The following PHC3 variants were observed in gnomAD, a reference collection of about 807,000 sequenced individuals.
PHC3 encodes the protein polyhomeotic homolog 3.
In PHC3, 13 loss-of-function variants were observed where a neutral mutation model predicts 107.4. The observed-to-expected ratio is 0.12, with a 90% confidence interval of 0.08 to 0.19. PHC3 has a LOEUF of 0.19. Among genes scored for constraint, PHC3 ranks in the 10% least tolerant of loss-of-function variants. The pLI is 1.00. For missense variants in PHC3, 992 were observed against 1,210.9 expected, an observed-to-expected ratio of 0.82 and a Z score of 2.68; for synonymous variants, 456 against 427.4, an observed-to-expected ratio of 1.07 and a Z score of -0.83.
At chr3:170,143,258 T>C (rs1724392217) in intron 6 of PHC3, among the ~76,000 whole-genome samples, 1 of 151,856 alleles carries the variant, frequency 6.6e-6, no homozygotes, top group Non-Finnish European at 1.5e-5. Context: ...CACAGAGACA[T>C]AAAAAGTTTA....
chr3:170,113,284 A>G, intron 11 of PHC3, 76 bp downstream of exon 11: 1 of 1,393,616 alleles, frequency 7.2e-7, no homozygotes, highest in Admixed American at 2.5e-5. Flanking sequence ...TCTGTACAGA[A>G]TAAAAATCCA....
intron 4 of PHC3, among the ~76,000 whole-genome samples, chr3:170,154,903 T>C (rs1352074601): frequency 6.6e-6 from 1 of 152,236 alleles, no homozygotes. Context: ...GTTGCTCTGC[T>C]GACCTAAACC....
intron 3 of PHC3, among the ~76,000 whole-genome samples, chr3:170,171,651 C>A (rs1292142977): frequency 6.6e-6 from 1 of 152,064 alleles, no homozygotes; most frequent in Admixed American, 6.5e-5. Context: ...ACAGGGGATC[C>A]AAAGACTAAT....
chr3:170,097,488 T>C lies in PHC3; in HGVS notation c.2834-104A>G. On this transcript the variant is annotated intron_variant, in intron 14 of 14. Transcript: ENST00000495893. The surrounding 1 kb of genome is among the most constrained non-coding windows in gnomAD (Gnocchi z 4.1). ...TCTCACTGGGTCTGAGAATCTGAAA[T>C]ACAGGCTGAGAAACAAATGAAATTT... The C allele has an allele frequency of 3.6e-6, 4 of 1,104,340 alleles. No homozygotes were observed. The East Asian group carries it at 7.7e-5, about 21-fold the overall frequency. The allele number at this position is 1,104,340 out of a possible 1,614,324, so 68.4% of individuals were successfully genotyped here.
In PHC3 at chr3:170,092,865, TG is replaced by T. The variant is rs1422157640; in HGVS notation, c.*4364del. The T allele has an allele frequency of 1.3e-5, 2 of 152,218 alleles. No homozygotes were observed. Among genetic ancestry groups the T allele is most frequent in the Non-Finnish European group, 2.9e-5 (2 of 68,030 alleles). 9.4% of individuals were successfully genotyped at this position (152,218 alleles called of 1,614,324 possible). On this transcript the variant is annotated 3_prime_UTR_variant, in exon 15 of 15. Coordinates refer to ENST00000495893, the MANE Select transcript of PHC3 (RefSeq NM_024947.4). ...ACAGTGGGTATAGAGAGTGAAAGAA[TG>T]AGTCTGATTACAGGTAAATCTTGAC...
At position 170,119,974 on chromosome 3, in the gene PHC3, G is replaced by C. The variant is rs534156098; in HGVS notation, c.1943-2498C>G. Among the ~76,000 whole-genome samples, 3 of 152,294 alleles carry C rather than the reference G, an allele frequency of 2.0e-5. No individual in the cohort carries two copies. The South Asian group carries it at 6.2e-4, about 32-fold the overall frequency. Reference sequence around the variant, plus strand: ...GAGAGATGTGCTTGTCAGGATCTCAGACTACATTCCTGAGGAAAACATGGA... The same window carrying C: ...GAGAGATGTGCTTGTCAGGATCTCACACTACATTCCTGAGGAAAACATGGA... On this transcript the variant is annotated intron_variant, in intron 9 of 14. Transcript: ENST00000495893.
At chr3:170,167,597 T>C (rs1337264575) in intron 4 of PHC3, among the ~76,000 whole-genome samples, 1 of 151,866 alleles carries the variant, frequency 6.6e-6, no homozygotes, top group Non-Finnish European at 1.5e-5. Flanking sequence ...CCATCTCTGC[T>C]TAAAATACAA....
chr3:170,140,187 GA>G (rs1305408320), intron 6 of PHC3, among the ~76,000 whole-genome samples: 44 of 147,678 alleles, frequency 3.0e-4, no homozygotes, highest in African/African-American at 9.0e-4. Context: ...GTATTCCCCA[GA>G]TAGCCTTACT....
rs764650377 is a variant in PHC3 at position 170,181,720 on chromosome 3, T to C, written c.-5A>G. 2.5e-6 allele frequency: 4 copies of C among 1,612,792 alleles called. No individual in the cohort carries two copies. Among genetic ancestry groups the C allele is most frequent in the Non-Finnish European group, 3.4e-6 (4 of 1,179,766 alleles). ...CACTCACTCCGCTTCCGCCATCTTCTCTCCTCCATCACTAACATGGGCTGC... is the reference window on the plus strand; with the variant it reads ...CACTCACTCCGCTTCCGCCATCTTCCCTCCTCCATCACTAACATGGGCTGC... On this transcript the variant is annotated 5_prime_UTR_variant, in exon 1 of 15. Coordinates refer to ENST00000495893, the MANE Select transcript of PHC3 (RefSeq NM_024947.4).
intron 1 of PHC3, 43 bp downstream of exon 1, chr3:170,181,659 C>T (rs769716465): frequency 6.2e-7 from 1 of 1,613,148 alleles, no homozygotes; most frequent in East Asian, 2.2e-5. Context: ...TGCCCCAACT[C>T]GCCCCCCCTA....
In PHC3 at chr3:170,104,860, T is replaced by C. The variant is rs570890256; in HGVS notation, c.2469-1926A>G. ...TGGGCTCAGCAATGTAGGTTTCTGA[T>C]TTCCATTTATATCAACTGATAAAAC... On this transcript the variant is annotated intron_variant, in intron 12 of 14. Transcript: ENST00000495893. Among the ~76,000 whole-genome samples, 3 of 152,356 alleles carry C rather than the reference T, an allele frequency of 2.0e-5. No individual in the cohort carries two copies. The East Asian group carries it at 5.8e-4, about 29-fold the overall frequency.
At chr3:170,101,328 A>G (rs964054922) in intron 14 of PHC3, among the ~76,000 whole-genome samples, 1 of 152,220 alleles carries the variant, frequency 6.6e-6, no homozygotes, top group Non-Finnish European at 1.5e-5. Flanking sequence ...AATTCTGTAT[A>G]TGAGGTAAAG....
At chr3:170,144,941 A>G (rs961218839) in intron 6 of PHC3, among the ~76,000 whole-genome samples, 1 of 152,174 alleles carries the variant, frequency 6.6e-6, no homozygotes, top group Non-Finnish European at 1.5e-5. Flanking sequence ...GCCTGAGTTC[A>G]CACAATCCTC....
At chr3:170,167,375 C>T (rs1214601651) in intron 4 of PHC3, among the ~76,000 whole-genome samples, 2 of 152,190 alleles carry the variant, frequency 1.3e-5, no homozygotes, top group Non-Finnish European at 2.9e-5. Context: ...CTTGGGCTCC[C>T]AAAGTGTTGG....
rs187757771 is a variant in PHC3 at position 170,155,211 on chromosome 3, T to G, written c.415-5967A>C. On this transcript the variant is annotated intron_variant, in intron 4 of 14. Transcript: ENST00000495893. The stretch of plus-strand genomic sequence containing the variant: ...CCCATAGCCAAAGTCCATTTGAGAG[T>G]TGCCTCTACCGTTTCACTGATCAGA... Among the ~76,000 whole-genome samples the G allele has an allele frequency of 5.8e-4, 89 of 152,310 alleles. 1 individual carries two copies. In the South Asian group the frequency reaches 0.018, roughly 30 times the overall value.
rs188184713 is a variant in PHC3 at position 170,087,672 on chromosome 3, A to C, written c.*9558T>G. Reference sequence around the variant, plus strand: ...GTAATATAAACAATATAAATAAATGATCCTGTAGGCCCACTAATCTTCCAT... The same window carrying C: ...GTAATATAAACAATATAAATAAATGCTCCTGTAGGCCCACTAATCTTCCAT... On this transcript the variant is annotated 3_prime_UTR_variant, in exon 15 of 15. Transcript: ENST00000495893. 6.6e-6 allele frequency: 1 copy of C among 152,314 alleles called. No homozygotes were observed. The highest frequency in any genetic ancestry group is 1.9e-4 in the East Asian group (1 of 5,188). The allele number at this position is 152,314 out of a possible 1,614,324, so 9.4% of individuals were successfully genotyped here.
At chr3:170,120,177 C>T (rs1484087943) in intron 9 of PHC3, among the ~76,000 whole-genome samples, 1 of 152,084 alleles carries the variant, frequency 6.6e-6, no homozygotes, top group Non-Finnish European at 1.5e-5. Flanking sequence ...TACATTTCTG[C>T]CTTTAAATCA....
chr3:170,150,840 T>C (rs1225111165), intron 4 of PHC3: 4 of 226,016 alleles, frequency 1.8e-5, no homozygotes, highest in South Asian at 4.4e-5. Flanking sequence ...GCTAGGGTAA[T>C]AGGGAAAAGA....
intron 4 of PHC3, among the ~76,000 whole-genome samples, chr3:170,165,468 G>A (rs867040881): frequency 6.6e-6 from 1 of 152,046 alleles, no homozygotes; most frequent in African/African-American, 2.4e-5. Flanking sequence ...ATTATATGAT[G>A]AAGGCTGGGC....
Sources: allele counts gnomAD v4.1 joint callset (sites outside exome capture counted in the v4.1 genomes callset), GRCh38; gene constraint gnomAD v4.1.1; non-coding constraint Gnocchi (gnomAD v3.1); transcripts MANE v1.5; gene names NCBI Gene and HGNC (gene_info 2026-07-23, HGNC 2026-07-21).